Variants in RAB11FIP3 observed in about 807,000 individuals in gnomAD.
The protein encoded by RAB11FIP3 is RAB11 family interacting protein 3, also known as rab11 family-interacting protein 3.
RAB11FIP3 carries 17 observed loss-of-function variants against 77.8 expected under a neutral mutation model. The ratio of observed to expected loss-of-function variants is 0.22; its 90% CI spans 0.15 to 0.33. The LOEUF (loss-of-function observed/expected upper bound fraction) is 0.33. Ranked by LOEUF, RAB11FIP3 falls within the 10% of genes least tolerant of loss-of-function variation. The pLI is 1.00. For synonymous variants in RAB11FIP3, 437 were observed against 448.2 expected (o/e 0.98, Z 0.31); for missense variants, 1,005 against 1,011.2 (o/e 0.99, Z 0.08).
chr16:519,541 G>C (rs535444367), intron 10 of RAB11FIP3, among the ~76,000 whole-genome samples: 1 of 152,326 alleles, frequency 6.6e-6, no homozygotes, highest in African/African-American at 2.4e-5. Flanking sequence ...AACGGCCCTC[G>C]TGGCCTGCGT....
chr16:496,386 C>T (rs2031130287), intron 5 of RAB11FIP3, among the ~76,000 whole-genome samples: 1 of 152,258 alleles, frequency 6.6e-6, no homozygotes. Context: ...GCGTTCTGAG[C>T]ATGATGCATC....
chr16:435,735 G>T (rs1272151983), intron 1 of RAB11FIP3, among the ~76,000 whole-genome samples: 1 of 151,724 alleles, frequency 6.6e-6, no homozygotes, highest in Non-Finnish European at 1.5e-5. Flanking sequence ...CAGTACAGAA[G>T]GGAATCTAGT....
chr16:436,258 A>G lies in RAB11FIP3; in HGVS notation c.714+9538A>G, dbSNP rs558337983. Among the ~76,000 whole-genome samples the G allele has an allele frequency of 1.1e-3, 162 of 152,272 alleles. 1 individual carries two copies. Among genetic ancestry groups the G allele is most frequent in the African/African-American group, 3.7e-3 (152 of 41,562 alleles). On this transcript the variant is annotated intron_variant, in intron 1 of 13. Transcript: ENST00000262305. The stretch of plus-strand genomic sequence containing the variant: ...CGAGAGGCGGAGGTTACAGTGAGCC[A>G]AGATCGCGCCACCGCACTCCAGCCC...
intron 3 of RAB11FIP3, among the ~76,000 whole-genome samples, chr16:475,965 C>T (rs1385130635): frequency 6.6e-6 from 1 of 152,170 alleles, no homozygotes; most frequent in African/African-American, 2.4e-5. Context: ...CAAGTGATTC[C>T]ATGCCTCAGC....
chr16:497,355 C>T (rs1276409514), intron 6 of RAB11FIP3: 1 of 1,303,138 alleles, frequency 7.7e-7, no homozygotes, highest in East Asian at 5.6e-5. Context: ...ATCTTCCTCC[C>T]CTGCCAGTTC....
chr16:516,582 G>A (rs1252797107), intron 9 of RAB11FIP3, among the ~76,000 whole-genome samples: 2 of 152,156 alleles, frequency 1.3e-5, no homozygotes, highest in Non-Finnish European at 2.9e-5. Flanking sequence ...TATCATCAAC[G>A]AACAGAAAAG....
rs150131844 is a variant in RAB11FIP3, at chr16:438,744, C to T, written c.714+12024C>T. Among the ~76,000 whole-genome samples, 887 of 149,232 alleles carry T rather than the reference C, an allele frequency of 5.9e-3. 6 individuals carry two copies. Among genetic ancestry groups the T allele is most frequent in the African/African-American group, 0.021 (834 of 40,258 alleles). ...TTCGCTCTAACACCAGGCTGGAGTG[C>T]GGTGGCGCGATCTCAGCTCACTGCA... On this transcript the variant is annotated intron_variant, in intron 1 of 13. Transcript: ENST00000262305.
At position 475,122 on chromosome 16, in the gene RAB11FIP3, C is replaced by G. The variant is rs1462444389; in HGVS notation, c.903+3733C>G. ...GGGTAAGAGGAGGCAGTAGTGTGCA[C>G]TGTGCCCAGTATTCCTATTTCTGTG... On this transcript the variant is annotated intron_variant, in intron 3 of 13. Transcript: ENST00000262305. 2.6e-6 allele frequency: 4 copies of G among 1,543,508 alleles called. No homozygotes were observed. In the African/African-American group the frequency reaches 4.1e-5, roughly 16 times the overall value.
rs565807928 is a variant in RAB11FIP3, at chr16:507,112, CTTT to C, written c.1499+1501_1499+1503del. 1.5e-5 allele frequency among the ~76,000 whole-genome samples: 2 copies of C among 136,522 alleles called. No homozygotes were observed. The highest frequency in any genetic ancestry group is 2.7e-5 in the African/African-American group (1 of 36,530). 89.6% of individuals were successfully genotyped at this position (136,522 alleles called of 152,430 possible). ...TACAGGTGTGCACCACCACACCCAGCTTTTTTTTTTTTTTTTTTGAGACGGGGT... is the reference window on the plus strand; with the variant it reads ...TACAGGTGTGCACCACCACACCCAGCTTTTTTTTTTTTTTTGAGACGGGGT... On this transcript the variant is annotated intron_variant, in intron 8 of 13. Coordinates refer to ENST00000262305, the MANE Select transcript of RAB11FIP3 (RefSeq NM_014700.4). The surrounding 1 kb of genome is among the most constrained non-coding windows in gnomAD (Gnocchi z 4.6).
intron 5 of RAB11FIP3, among the ~76,000 whole-genome samples, chr16:492,938 A>T (rs950082773): frequency 2.6e-5 from 4 of 152,008 alleles, no homozygotes; most frequent in African/African-American, 9.7e-5. Flanking sequence ...AGGTTCTGCT[A>T]CCCCTTTTCC....
intron 1 of RAB11FIP3, among the ~76,000 whole-genome samples, chr16:445,454 A>G (rs945559996): frequency 1.3e-5 from 2 of 151,714 alleles, no homozygotes; most frequent in Non-Finnish European, 2.9e-5. Context: ...TAAAAATAAA[A>G]ATAAAAAAAG....
chr16:486,910 G>A (rs1365621811), intron 4 of RAB11FIP3, among the ~76,000 whole-genome samples: 1 of 152,210 alleles, frequency 6.6e-6, no homozygotes. Flanking sequence ...GCAGTTTTCT[G>A]TCACAGTATC....
chr16:463,438 T>G (rs1240243990), intron 2 of RAB11FIP3, among the ~76,000 whole-genome samples: 2 of 143,008 alleles, frequency 1.4e-5, no homozygotes, highest in African/African-American at 2.8e-5. Flanking sequence ...CGGTTTTTTT[T>G]TTTTTTTTTT....
Position 503,235 on chromosome 16 carries a change from G to A in RAB11FIP3, c.1395+138G>A, listed in dbSNP as rs2031630242. 3 of 638,796 alleles carry A rather than the reference G, an allele frequency of 4.7e-6. No individual in the cohort carries two copies. In the East Asian group the frequency reaches 8.9e-5, roughly 19 times the overall value. 39.6% of individuals were successfully genotyped at this position (638,796 alleles called of 1,614,324 possible). On this transcript the variant is annotated intron_variant, in intron 7 of 13. Transcript: ENST00000262305. ...CATGTCCTCCAGGGCTCCCCAGACT[G>A]TCCATCCAGCCCCGATGCTCTTTGG...
chr16:452,612 T>C (rs1444241120), intron 1 of RAB11FIP3, among the ~76,000 whole-genome samples: 1 of 134,196 alleles, frequency 7.5e-6, no homozygotes, highest in Non-Finnish European at 1.6e-5. Flanking sequence ...TTTTTTGTAT[T>C]TTTAGTAGAG....
chr16:444,302 T>C (rs1385605469), intron 1 of RAB11FIP3, among the ~76,000 whole-genome samples: 1 of 152,204 alleles, frequency 6.6e-6, no homozygotes, highest in African/African-American at 2.4e-5. Flanking sequence ...CGGTGTGACG[T>C]TCTCCTTGTA....
intron 9 of RAB11FIP3, among the ~76,000 whole-genome samples, chr16:516,985 G>A (rs574109351): frequency 6.6e-6 from 1 of 152,226 alleles, no homozygotes; most frequent in Non-Finnish European, 1.5e-5. Context: ...AGGACAGAGC[G>A]GGCGGGAAAG....
chr16:458,232 C>T (rs1404407665), intron 1 of RAB11FIP3, among the ~76,000 whole-genome samples: 5 of 152,258 alleles, frequency 3.3e-5, no homozygotes, highest in African/African-American at 1.2e-4. Context: ...CTCTGGATTG[C>T]CTCCTGGGCG....
intron 1 of RAB11FIP3, among the ~76,000 whole-genome samples, chr16:442,917 A>T (rs1187947023): frequency 6.6e-6 from 1 of 152,020 alleles, no homozygotes; most frequent in Admixed American, 6.6e-5. Context: ...ATTTCATTCC[A>T]ACATCGGGTG....
Sources: allele counts gnomAD v4.1 joint callset (sites outside exome capture counted in the v4.1 genomes callset), GRCh38; gene constraint gnomAD v4.1.1; non-coding constraint Gnocchi (gnomAD v3.1); transcripts MANE v1.5; gene names NCBI Gene and HGNC (gene_info 2026-07-23, HGNC 2026-07-21).